The following HNF4G variants were observed in gnomAD, a reference collection of about 807,000 sequenced individuals.
HNF4G encodes the protein hepatocyte nuclear factor 4 gamma.
A neutral mutation model predicts 50.9 loss-of-function variants in HNF4G; 21 were observed. The ratio of observed to expected loss-of-function variants is 0.41; its 90% CI spans 0.29 to 0.59. The LOEUF is 0.59. HNF4G is among the 20% of genes least tolerant of loss of function. The probability of loss-of-function intolerance (pLI) is 0.26; values close to 1 mark genes in which losing one functional copy is unlikely to be tolerated. For synonymous variants in HNF4G, 198 were observed against 185.6 expected, an observed-to-expected ratio of 1.07 and a Z score of -0.54; for missense variants, 527 against 559.4, an observed-to-expected ratio of 0.94 and a Z score of 0.58.
chr8:75,414,311 T>G (rs1291798933), intron 1 of HNF4G, among the ~76,000 whole-genome samples: 2 of 152,124 alleles, frequency 1.3e-5, no homozygotes, highest in Non-Finnish European at 2.9e-5. Context: ...TATTTTGAGA[T>G]TCATTCATCT....
upstream of HNF4G, among the ~76,000 whole-genome samples, chr8:75,537,346 T>C (rs1806491368): frequency 6.6e-6 from 1 of 152,080 alleles, no homozygotes; most frequent in South Asian, 2.1e-4. Flanking sequence ...CAGGTTCAAA[T>C]GATTCTCCTG....
chr8:75,417,986 C>T (rs201250760), intron 1 of HNF4G, among the ~76,000 whole-genome samples: 1 of 147,910 alleles, frequency 6.8e-6, no homozygotes, highest in African/African-American at 2.5e-5. Flanking sequence ...CACACACACA[C>T]ATATATTTTA....
Position 75,547,630 on chromosome 8 carries a change from T to C in HNF4G, c.331T>C (p.Cys111Arg). 6.2e-7 allele frequency: 1 copy of C among 1,612,194 alleles called. No homozygotes were observed. The highest frequency in any genetic ancestry group is 8.5e-7 in the Non-Finnish European group (1 of 1,178,434). ...TGTTGACAAGGACAAAAGGAATCAATGTAGATATTGTCGATTAAGAAAGTG... is the reference window on the plus strand; with the variant it reads ...TGTTGACAAGGACAAAAGGAATCAACGTAGATATTGTCGATTAAGAAAGTG... Reference protein sequence around the residue: ...CVVDKDKRNQCRYCRLRKCFR... With the variant: ...CVVDKDKRNQRRYCRLRKCFR... Residue 111 changes from cysteine to arginine, a missense_variant, in exon 3 of 10, where the codon TGT becomes CGT. Physicochemically the swap from Cys to Arg is radical, Grantham distance 180. This residue lies in a region of HNF4G where 128 missense variants were observed against 135.3 expected (regional missense o/e 0.95). Transcript: ENST00000396423.
At chr8:75,533,265 G>T (rs772608203) in intron 2 of HNF4G, among the ~76,000 whole-genome samples, 24 of 151,992 alleles carry the variant, frequency 1.6e-4, no homozygotes, top group Non-Finnish European at 2.8e-4. Context: ...CATAGAACTT[G>T]CTTCTTAAAG....
At chr8:75,410,880 C>T (rs1810484195) in intron 1 of HNF4G, among the ~76,000 whole-genome samples, 1 of 152,164 alleles carries the variant, frequency 6.6e-6, no homozygotes, top group Admixed American at 6.5e-5. Context: ...AGGAACTCTG[C>T]AAATATGGCT....
At chr8:75,559,340 C>T (rs1807236062) in intron 8 of HNF4G, among the ~76,000 whole-genome samples, 1 of 150,576 alleles carries the variant, frequency 6.6e-6, no homozygotes, top group African/African-American at 2.4e-5. Flanking sequence ...GTGGCACAAT[C>T]TCGGCTCACT....
intron 1 of HNF4G, among the ~76,000 whole-genome samples, chr8:75,467,772 T>C (rs1049860428): frequency 1.3e-5 from 2 of 152,004 alleles, no homozygotes; most frequent in East Asian, 3.9e-4. Flanking sequence ...AAGTAATTAT[T>C]TTTTTTTAAA....
chr8:75,528,602 A>G (rs1806243072), intron 2 of HNF4G, among the ~76,000 whole-genome samples: 1 of 152,212 alleles, frequency 6.6e-6, no homozygotes, highest in Admixed American at 6.5e-5. Context: ...TCTAAGCTGT[A>G]ACATGTTACA....
At chr8:75,411,997 C>T (rs778643817) in intron 1 of HNF4G, among the ~76,000 whole-genome samples, 8 of 152,180 alleles carry the variant, frequency 5.3e-5, no homozygotes, top group Non-Finnish European at 7.3e-5. Context: ...GATAATGCAT[C>T]TACAGCACTG....
At chr8:75,408,475 A>G (rs1810417115) in intron 1 of HNF4G, among the ~76,000 whole-genome samples, 1 of 152,114 alleles carries the variant, frequency 6.6e-6, no homozygotes, top group African/African-American at 2.4e-5. Flanking sequence ...CCTTTGCTCA[A>G]GTCTCAGCTT....
At chr8:75,505,028 T>G (rs1288371370) in intron 2 of HNF4G, among the ~76,000 whole-genome samples, 1 of 152,176 alleles carries the variant, frequency 6.6e-6, no homozygotes, top group Non-Finnish European at 1.5e-5. Context: ...TGGGATATGC[T>G]CAATTTTTAA....
At chr8:75,477,865 G>A (rs903849600) in intron 1 of HNF4G, among the ~76,000 whole-genome samples, 2 of 152,182 alleles carry the variant, frequency 1.3e-5, no homozygotes, top group East Asian at 1.9e-4. Flanking sequence ...TACTTGGAAG[G>A]CTGAGGCAGG....
At chr8:75,540,652 G>A (rs2130783418) in intron 1 of HNF4G, among the ~76,000 whole-genome samples, 1 of 152,152 alleles carries the variant, frequency 6.6e-6, no homozygotes, top group Non-Finnish European at 1.5e-5. Flanking sequence ...GCCGCACAAA[G>A]CTGTTGGTAT....
intron 2 of HNF4G, among the ~76,000 whole-genome samples, chr8:75,518,529 C>T (rs1805953137): frequency 6.6e-6 from 1 of 152,078 alleles, no homozygotes; most frequent in Non-Finnish European, 1.5e-5. Context: ...GACACATGCA[C>T]ACATATGTTT....
rs139670260 is a variant in HNF4G at position 75,530,764 on chromosome 8, A to G, written c.-23-13047A>G. Among the ~76,000 whole-genome samples, 382 of 151,544 alleles carry G rather than the reference A, an allele frequency of 2.5e-3. 1 individual carries two copies. The highest frequency in any genetic ancestry group is 8.3e-3 in the African/African-American group (343 of 41,232). On this transcript the variant is annotated intron_variant, in intron 2 of 10. Coordinates refer to the HNF4G transcript ENST00000354370. ...AATCATAAAGGAAAGCATACAAGAC[A>G]GAAGACAGTGGCAGGCATTGTTCAA...
At chr8:75,414,184 A>T (rs1000766439) in intron 1 of HNF4G, among the ~76,000 whole-genome samples, 5 of 151,448 alleles carry the variant, frequency 3.3e-5, no homozygotes, top group Non-Finnish European at 7.4e-5. Flanking sequence ...CCTCCACTAC[A>T]CCCCAGGCAA....
At chr8:75,554,486 G>T (rs753829071) in intron 5 of HNF4G, among the ~76,000 whole-genome samples, 1 of 152,114 alleles carries the variant, frequency 6.6e-6, no homozygotes, top group Admixed American at 6.6e-5. Context: ...TTAGCTTTCA[G>T]TTGCACTATA....
chr8:75,495,838 T>G lies in HNF4G; in HGVS notation c.-24+5630T>G, dbSNP rs545415822. 1.2e-3 allele frequency among the ~76,000 whole-genome samples: 183 copies of G among 152,236 alleles called. 1 individual carries two copies. The highest frequency in any genetic ancestry group is 4.3e-3 in the African/African-American group (177 of 41,560). The stretch of plus-strand genomic sequence containing the variant: ...AAATATTTGATACAAACATACACAC[T>G]ACATATGCAGTATAAAGAATAATAC... On this transcript the variant is annotated intron_variant, in intron 2 of 10. Coordinates refer to the HNF4G transcript ENST00000354370.
rs114566272 is a variant in HNF4G at position 75,486,503 on chromosome 8, A to G, written c.-143-3586A>G. The stretch of plus-strand genomic sequence containing the variant: ...CCCTTAGGAAGAAAATAAGATACCT[A>G]TAAACAATAGTCCTTGCCTAAGAGT... On this transcript the variant is annotated intron_variant, in intron 1 of 10. Coordinates refer to the HNF4G transcript ENST00000354370. Among the ~76,000 whole-genome samples, 300 of 152,320 alleles carry G rather than the reference A, an allele frequency of 2.0e-3. 2 individuals are homozygous for G. The highest frequency in any genetic ancestry group is 6.7e-3 in the African/African-American group (280 of 41,574).
Sources: gnomAD v4.1 joint callset for allele counts (sites outside exome capture counted in the v4.1 genomes callset) on GRCh38, gnomAD v4.1.1 for gene constraint, gnomAD v4.1.1 regional missense constraint, MANE v1.5 for transcripts, NCBI Gene and HGNC (gene_info 2026-07-23, HGNC 2026-07-21) for gene names.